Variants in SLC1A7 observed in about 807,000 individuals in gnomAD.
The protein encoded by SLC1A7 is excitatory amino acid transporter 5.
In SLC1A7, 40 loss-of-function variants were observed where a neutral mutation model predicts 47.7. The ratio of observed to expected loss-of-function variants is 0.84; its 90% CI spans 0.65 to 1.09. The LOEUF (loss-of-function observed/expected upper bound fraction) is 1.09. Among genes scored for constraint, SLC1A7 ranks in the 50% least tolerant of loss-of-function variants. The probability of loss-of-function intolerance (pLI) is 0.00; values close to 1 mark genes in which losing one functional copy is unlikely to be tolerated. For synonymous variants in SLC1A7, 323 were observed against 325.6 expected (o/e 0.99, Z 0.09); for missense variants, 746 against 769.5 (o/e 0.97, Z 0.36).
At chr1:53,113,895 C>A (rs1319634754) in intron 3 of SLC1A7, among the ~76,000 whole-genome samples, 1 of 152,088 alleles carries the variant, frequency 6.6e-6, no homozygotes, top group Non-Finnish European at 1.5e-5. Context: ...CAGCTCAGGA[C>A]CTTCGCACAG....
chr1:53,121,085 A>C (rs1369523320), intron 2 of SLC1A7, among the ~76,000 whole-genome samples: 1 of 152,172 alleles, frequency 6.6e-6, no homozygotes, highest in Non-Finnish European at 1.5e-5. Context: ...CAATTGTTAT[A>C]ATTTCCTCTG....
At chr1:53,088,349 C>T in intron 10 of SLC1A7, 122 bp from the exon 11 acceptor site, 1 of 812,250 alleles carries the variant, frequency 1.2e-6, no homozygotes, top group Non-Finnish European at 1.9e-6. Flanking sequence ...GATTTTCCTG[C>T]AGACACGCTG....
intron 2 of SLC1A7, among the ~76,000 whole-genome samples, chr1:53,129,276 C>G (rs531883404): frequency 1.1e-5 from 1 of 94,548 alleles, no homozygotes; most frequent in Admixed American, 1.1e-4. Context: ...ACTTACTTTT[C>G]GTAATAACCT....
chr1:53,113,327 A>T (rs1406978647), intron 3 of SLC1A7, among the ~76,000 whole-genome samples: 1 of 151,406 alleles, frequency 6.6e-6, no homozygotes, highest in Non-Finnish European at 1.5e-5. Flanking sequence ...AGCACCTAAC[A>T]CCTCTCCCTG....
At chr1:53,132,756 G>A (rs1199309578) in intron 2 of SLC1A7, among the ~76,000 whole-genome samples, 1 of 152,140 alleles carries the variant, frequency 6.6e-6, no homozygotes, top group Non-Finnish European at 1.5e-5. Flanking sequence ...TGAGGTAGGA[G>A]GATCACTTGA....
chr1:53,088,831 G>A, intron 10 of SLC1A7, 46 bp downstream of exon 10: 2 of 1,496,794 alleles, frequency 1.3e-6, no homozygotes, highest in Non-Finnish European at 1.9e-6. Context: ...TGCCCACCCT[G>A]CGTGGCTCCA....
intron 1 of SLC1A7, among the ~76,000 whole-genome samples, chr1:53,138,926 C>T (rs983106802): frequency 2.0e-5 from 3 of 152,108 alleles, no homozygotes; most frequent in Admixed American, 2.0e-4. Context: ...TATCTTCACT[C>T]GCAGCTCCAG....
chr1:53,108,450 A>C, intron 3 of SLC1A7: 2 of 635,522 alleles, frequency 3.1e-6, no homozygotes, highest in Non-Finnish European at 5.8e-6. Context: ...TCCTTCCTTA[A>C]CAGAAGTCCT....
At chr1:53,092,415 A>G (rs1572293914) in intron 7 of SLC1A7, 139 bp downstream of exon 7, 1 of 677,920 alleles carries the variant, frequency 1.5e-6, no homozygotes. Flanking sequence ...TTACCCCAGC[A>G]CCAGCCGTCC....
intron 5 of SLC1A7, among the ~76,000 whole-genome samples, chr1:53,101,262 C>G (rs1232005900): frequency 6.7e-6 from 1 of 148,256 alleles, no homozygotes; most frequent in South Asian, 2.2e-4. Flanking sequence ...CACTCACACA[C>G]CCCACCTCGG....
intron 2 of SLC1A7, among the ~76,000 whole-genome samples, chr1:53,131,193 C>T (rs758512179): frequency 5.9e-5 from 9 of 152,314 alleles, no homozygotes; most frequent in Non-Finnish European, 1.2e-4. Context: ...ATTTGAGAGC[C>T]AGAAGGTGGA....
In SLC1A7 at chr1:53,136,624, A is replaced by T. The variant is rs541640626; in HGVS notation, c.136-2195T>A. 2.6e-3 allele frequency among the ~76,000 whole-genome samples: 359 copies of T among 137,146 alleles called. 16 individuals are homozygous for T. The highest frequency in any genetic ancestry group is 8.4e-3 in the African/African-American group (305 of 36,170). 90.0% of individuals were successfully genotyped at this position (137,146 alleles called of 152,430 possible). ...ATAAACATATATAATATATATAAAC[A>T]TATATAATATATAAAAACATATATA... On this transcript the variant is annotated intron_variant, in intron 1 of 10. Coordinates refer to ENST00000371494, the MANE Select transcript of SLC1A7 (RefSeq NM_006671.6).
intron 2 of SLC1A7, among the ~76,000 whole-genome samples, chr1:53,124,214 C>T (rs1441493966): frequency 6.9e-6 from 1 of 144,672 alleles, no homozygotes; most frequent in Admixed American, 7.2e-5. Context: ...GTTTAAAGTC[C>T]TTACAAGAAA....
chr1:53,141,732 C>A (rs778159385), intron 1 of SLC1A7, among the ~76,000 whole-genome samples: 4 of 151,810 alleles, frequency 2.6e-5, no homozygotes, highest in Admixed American at 6.6e-5. Context: ...TGCCCCTTCT[C>A]GGCCCCCTGC....
At position 53,094,228 on chromosome 1, in the gene SLC1A7, C is replaced by G. The variant is rs964413187; in HGVS notation, c.698-668G>C. The stretch of plus-strand genomic sequence containing the variant: ...CTCCTTAGCTGGAGCATGTTAGACG[C>G]ACAGTGGTCAATGGTGAGTGAGGAC... On this transcript the variant is annotated intron_variant, in intron 5 of 10. Transcript: ENST00000371494. 2.6e-5 allele frequency among the ~76,000 whole-genome samples: 4 copies of G among 152,352 alleles called. No homozygotes were observed. In the East Asian group the frequency reaches 7.7e-4, roughly 29 times the overall value.
chr1:53,116,933 G>C (rs372936038), intron 2 of SLC1A7, among the ~76,000 whole-genome samples: 2 of 152,366 alleles, frequency 1.3e-5, no homozygotes, highest in East Asian at 3.9e-4. Flanking sequence ...TAATCTGCCA[G>C]GGAATGGGGA....
At chr1:53,135,357 C>A (rs1644981291) in intron 1 of SLC1A7, among the ~76,000 whole-genome samples, 1 of 152,222 alleles carries the variant, frequency 6.6e-6, no homozygotes, top group Non-Finnish European at 1.5e-5. Context: ...CAGACCATGG[C>A]CGCCTTGCGA....
intron 2 of SLC1A7, among the ~76,000 whole-genome samples, chr1:53,133,106 A>G (rs984175627): frequency 2.0e-5 from 3 of 152,202 alleles, no homozygotes; most frequent in African/African-American, 7.2e-5. Flanking sequence ...GTGTGAGTCC[A>G]TAGGGAAGGG....
At chr1:53,090,573 C>T in intron 8 of SLC1A7, 39 bp downstream of exon 8, 1 of 1,525,826 alleles carries the variant, frequency 6.6e-7, no homozygotes, top group Non-Finnish European at 8.8e-7. Context: ...AGGCCCCCAG[C>T]CCCCGCCCCA....
Sources: allele counts gnomAD v4.1 joint callset (sites outside exome capture counted in the v4.1 genomes callset), GRCh38; gene constraint gnomAD v4.1.1; transcripts MANE v1.5; gene names NCBI Gene and HGNC (gene_info 2026-07-23, HGNC 2026-07-21).